The following PALLD variants were observed in gnomAD, a reference collection of about 807,000 sequenced individuals.
PALLD encodes the protein palladin.
A neutral mutation model predicts 123.5 loss-of-function variants in PALLD; 61 were observed. That is an observed-to-expected ratio of 0.49 (90% CI 0.40 to 0.61). The LOEUF is 0.61. PALLD is among the 20% of genes least tolerant of loss of function. The pLI is 0.00. For synonymous variants in PALLD, 465 were observed against 496.4 expected, an observed-to-expected ratio of 0.94 and a Z score of 0.84; for missense variants, 1,273 against 1,377.0, an observed-to-expected ratio of 0.92 and a Z score of 1.20.
chr4:168,584,829 G>A (rs1561274472), intron 2 of PALLD, among the ~76,000 whole-genome samples: 1 of 152,166 alleles, frequency 6.6e-6, no homozygotes. Context: ...ATTATATAAT[G>A]TATATTTTCT....
At chr4:168,815,269 A>G (rs77423342) in intron 10 of PALLD, among the ~76,000 whole-genome samples, 9,620 of 152,316 alleles carry the variant, frequency 0.063, 393 homozygotes, top group South Asian at 0.17. Context: ...GTGCTCCTGT[A>G]ATAGAATGAA....
chr4:168,615,912 GA>G (rs1774180766), intron 2 of PALLD, among the ~76,000 whole-genome samples: 1 of 152,196 alleles, frequency 6.6e-6, no homozygotes, highest in Non-Finnish European at 1.5e-5. Context: ...AGTTGTAGAT[GA>G]AAGGAGTTTG....
chr4:168,568,296 A>T (rs1396926921), intron 2 of PALLD, among the ~76,000 whole-genome samples: 2 of 152,124 alleles, frequency 1.3e-5, no homozygotes, highest in African/African-American at 4.8e-5. Context: ...ACTGAAAAGC[A>T]TCCTACTTGT....
intron 6 of PALLD, among the ~76,000 whole-genome samples, chr4:168,689,575 G>C (rs1020944861): frequency 6.7e-6 from 1 of 149,850 alleles, no homozygotes; most frequent in African/African-American, 2.5e-5. Context: ...AGCCTCCTCG[G>C]TAGCTGGGAT....
chr4:168,764,529 T>C (rs6841047), intron 10 of PALLD, among the ~76,000 whole-genome samples: 140,097 of 152,032 alleles, frequency 0.92, 64,650 homozygotes, highest in African/African-American at 0.97. Context: ...GAGATTCTCT[T>C]ACCTCAACCT....
chr4:168,887,222 A>G (rs930191787), intron 10 of PALLD, among the ~76,000 whole-genome samples: 3 of 152,138 alleles, frequency 2.0e-5, no homozygotes, highest in African/African-American at 7.2e-5. Context: ...CCCTTGTGGC[A>G]GGGACACAAA....
chr4:168,600,762 G>T lies in PALLD; in HGVS notation c.909-67428G>T, dbSNP rs370181895. Among the ~76,000 whole-genome samples, 17 of 152,208 alleles carry T rather than the reference G, an allele frequency of 1.1e-4. No individual in the cohort carries two copies. The East Asian group carries it at 3.3e-3, about 29-fold the overall frequency. The stretch of plus-strand genomic sequence containing the variant: ...GGGGGCAGCATCATGATTAAAGAGA[G>T]GATGCAAAGAAAGTCTAGACTGCAA... On this transcript the variant is annotated intron_variant, in intron 2 of 21. Transcript: ENST00000505667.
chr4:168,709,147 G>C lies in PALLD; in HGVS notation c.1621G>C (p.Ala541Pro). Residue 541 changes from alanine to proline, a missense_variant and splice_region_variant, in exon 9 of 22, where the codon GCC (alanine) becomes CCC (proline). This residue lies in a region of PALLD where 944 missense variants were observed against 954.5 expected (regional missense o/e 0.99). Transcript: ENST00000505667. ...CACTGCCCAGCTGGTTGTCACCTCAGGTATGTGAGGAGTAAAAAAAATGAC... is the reference window on the plus strand; with the variant it reads ...CACTGCCCAGCTGGTTGTCACCTCACGTATGTGAGGAGTAAAAAAAATGAC... The part of the protein sequence containing the change: ...TSTAQLVVTS[A>P]NTENCSYESM... 1 of 1,613,702 alleles carries C rather than the reference G, an allele frequency of 6.2e-7. No homozygotes were observed. Among genetic ancestry groups the C allele is most frequent in the Non-Finnish European group, 8.5e-7 (1 of 1,179,860 alleles).
intron 2 of PALLD, among the ~76,000 whole-genome samples, chr4:168,602,933 T>TAAA (rs57326647): frequency 6.7e-6 from 1 of 148,652 alleles, no homozygotes. Flanking sequence ...CCCAGCTAAT[T>TAAA]AAAAAAAAAA....
At chr4:168,557,053 T>C (rs900163942) in intron 2 of PALLD, among the ~76,000 whole-genome samples, 3 of 117,812 alleles carry the variant, frequency 2.5e-5, no homozygotes, top group African/African-American at 9.4e-5. Context: ...TTTTGTTTTG[T>C]TTTGTTTTGA....
chr4:168,873,056 TTACC>T lies in PALLD; in HGVS notation c.1965-17860_1965-17857del, dbSNP rs1480274524. Among the ~76,000 whole-genome samples the T allele has an allele frequency of 2.6e-5, 4 of 152,170 alleles. No homozygotes were observed. The East Asian group carries it at 7.7e-4, about 29-fold the overall frequency. On this transcript the variant is annotated intron_variant, in intron 10 of 21. Transcript: ENST00000505667. ...ACCTAGCAGCTTACCCCTAATTCAC[TTACC>T]TACCTTCATTTGAAAATTCTTAAGA...
At chr4:168,551,288 A>G (rs1256397448) in intron 2 of PALLD, among the ~76,000 whole-genome samples, 1 of 152,104 alleles carries the variant, frequency 6.6e-6, no homozygotes, top group African/African-American at 2.4e-5. Context: ...CTATTATTTC[A>G]GCAATCTGAG....
At chr4:168,599,911 CACAT>C (rs898103770) in intron 2 of PALLD, among the ~76,000 whole-genome samples, 4 of 152,052 alleles carry the variant, frequency 2.6e-5, no homozygotes, top group Non-Finnish European at 5.9e-5. Context: ...CACACACACA[CACAT>C]ATATATACAC....
At chr4:168,673,447 C>G (rs150393978) in intron 3 of PALLD, among the ~76,000 whole-genome samples, 6 of 152,336 alleles carry the variant, frequency 3.9e-5, no homozygotes, top group Non-Finnish European at 8.8e-5. Context: ...GGAAGAAGTC[C>G]AGGGTAACTG....
intron 10 of PALLD, among the ~76,000 whole-genome samples, chr4:168,725,371 T>A (rs1786444956): frequency 6.6e-6 from 1 of 152,172 alleles, no homozygotes; most frequent in African/African-American, 2.4e-5. Context: ...TTCTTTTCCT[T>A]GTTTCTTTGT....
chr4:168,896,684 C>A, intron 13 of PALLD, 85 bp downstream of exon 13: 1 of 750,768 alleles, frequency 1.3e-6, no homozygotes, highest in South Asian at 1.6e-5. Flanking sequence ...GTGTTTCTAT[C>A]TTTTCTGCCA....
At chr4:168,908,972 A>C (rs1357399460) in intron 15 of PALLD, among the ~76,000 whole-genome samples, 2 of 152,246 alleles carry the variant, frequency 1.3e-5, no homozygotes, top group Non-Finnish European at 2.9e-5. Flanking sequence ...TCTACTTGGG[A>C]TAGAACACAC....
intron 2 of PALLD, among the ~76,000 whole-genome samples, chr4:168,613,226 G>A (rs546041768): frequency 4.6e-5 from 7 of 152,254 alleles, no homozygotes; most frequent in African/African-American, 1.7e-4. Flanking sequence ...TGGGATGCAG[G>A]ACATTCAGTG....
intron 10 of PALLD, among the ~76,000 whole-genome samples, chr4:168,861,651 G>A (rs1338376964): frequency 2.0e-5 from 3 of 151,908 alleles, no homozygotes; most frequent in Admixed American, 6.6e-5. Context: ...TCACATTTAT[G>A]TTGAAGATTT....
Sources: gnomAD v4.1 joint callset for allele counts (sites outside exome capture counted in the v4.1 genomes callset) on GRCh38, gnomAD v4.1.1 for gene constraint, gnomAD v4.1.1 regional missense constraint, MANE v1.5 for transcripts, NCBI Gene and HGNC (gene_info 2026-07-23, HGNC 2026-07-21) for gene names.